Variants in LSS observed in about 807,000 individuals in gnomAD.
LSS encodes 2,3-epoxysqualene-lanosterol cyclase.
LSS carries 90 observed loss-of-function variants against 110.3 expected under a neutral mutation model. The ratio of observed to expected loss-of-function variants is 0.82; its 90% CI spans 0.69 to 0.97. The LOEUF is 0.97. Among genes scored for constraint, LSS ranks in the 50% least tolerant of loss-of-function variants. The pLI is 0.00. For synonymous variants in LSS, 433 were observed against 400.0 expected, an observed-to-expected ratio of 1.08 and a Z score of -0.98; for missense variants, 927 against 990.0, an observed-to-expected ratio of 0.94 and a Z score of 0.85.
intron 16 of LSS, 80 bp from the exon 17 acceptor site, chr21:46,206,021 A>G: frequency 8.9e-7 from 1 of 1,120,774 alleles, no homozygotes; most frequent in Non-Finnish European, 1.3e-6. Context: ...AGCCACAACA[A>G]GCAAGAGTGT....
intron 4 of LSS, 188 bp from the exon 5 acceptor site, chr21:46,222,163 A>C: frequency 1.6e-6 from 1 of 616,808 alleles, no homozygotes; most frequent in East Asian, 2.8e-5. Flanking sequence ...TCCCATGACA[A>C]CTGAGCCCCC....
intron 17 of LSS, among the ~76,000 whole-genome samples, chr21:46,200,319 T>C (rs941294170): frequency 1.3e-5 from 2 of 152,166 alleles, no homozygotes; most frequent in Non-Finnish European, 2.9e-5. Context: ...CATCATCAAA[T>C]GCTAACACTA....
chr21:46,192,006 A>G (rs1346143247), intron 20 of LSS, 47 bp from the exon 21 acceptor site: 1 of 1,347,352 alleles, frequency 7.4e-7, no homozygotes, highest in Non-Finnish European at 1.1e-6. Context: ...ATGCCCCCAC[A>G]GCATCATCCT....
intron 5 of LSS, among the ~76,000 whole-genome samples, chr21:46,221,138 G>A (rs1294307025): frequency 7.3e-6 from 1 of 137,276 alleles, no homozygotes; most frequent in East Asian, 2.3e-4. Flanking sequence ...GGCTTGGAGA[G>A]GTGGACAGCC....
In LSS at chr21:46,191,811, G is replaced by A. The variant is rs980956889; in HGVS notation, c.2067+70C>T. Reference sequence around the variant, plus strand: ...CCCCAAAAAGGACACAGAGCAGGGGGACGTGGAAACAGCCATGCACGCTGG... The same window carrying A: ...CCCCAAAAAGGACACAGAGCAGGGGAACGTGGAAACAGCCATGCACGCTGG... On this transcript the variant is annotated intron_variant, in intron 21 of 21. Coordinates refer to ENST00000397728, the MANE Select transcript of LSS (RefSeq NM_002340.6). The A allele has an allele frequency of 2.5e-5, 32 of 1,290,584 alleles. No individual in the cohort carries two copies. The Middle Eastern group carries it at 5.9e-4, about 24-fold the overall frequency. 79.9% of individuals were successfully genotyped at this position (1,290,584 alleles called of 1,614,324 possible).
chr21:46,202,496 A>G (rs2079992497), intron 17 of LSS, among the ~76,000 whole-genome samples: 1 of 152,184 alleles, frequency 6.6e-6, no homozygotes, highest in Non-Finnish European at 1.5e-5. Context: ...CCCTAAAGAG[A>G]TAAAAAGAAC....
chr21:46,212,776 G>A (rs751669433), intron 11 of LSS, among the ~76,000 whole-genome samples: 18 of 152,224 alleles, frequency 1.2e-4, no homozygotes, highest in Non-Finnish European at 2.5e-4. Flanking sequence ...ACACAGCTGA[G>A]CCCACTCAGA....
chr21:46,202,179 G>C (rs1762869402), intron 17 of LSS, among the ~76,000 whole-genome samples: 1 of 142,024 alleles, frequency 7.0e-6, no homozygotes, highest in African/African-American at 2.5e-5. Flanking sequence ...CGGATCACGA[G>C]GTCAGGAGAT....
chr21:46,213,046 G>A lies in LSS; in HGVS notation c.1116C>T (p.Gly372=), dbSNP rs746257049. The part of the protein sequence containing the change: ...VSRIPDYLWM[G]LDGMKMQGTN... ...TTACCTGCATTTTCATGCCGTCAAG[G>A]CCCATCCTGTGAGGAGAAAAAAGCC... Residue 372 remains glycine (G), a synonymous_variant, in exon 11 of 22, where the codon GGC becomes GGT. Coordinates refer to ENST00000397728, the MANE Select transcript of LSS (RefSeq NM_002340.6). The A allele has an allele frequency of 1.1e-5, 18 of 1,613,688 alleles. No individual in the cohort carries two copies. The highest frequency in any genetic ancestry group is 1.3e-5 in the African/African-American group (1 of 74,918).
chr21:46,208,096 G>T (rs1393783778), intron 14 of LSS, among the ~76,000 whole-genome samples, 155 bp downstream of exon 14: 1 of 152,216 alleles, frequency 6.6e-6, no homozygotes, highest in Non-Finnish European at 1.5e-5. Flanking sequence ...TGAAGCATGA[G>T]CCCCTAGGCC....
intron 8 of LSS, 138 bp from the exon 9 acceptor site, chr21:46,215,436 C>A: frequency 2.0e-6 from 1 of 512,322 alleles, no homozygotes. Context: ...TCTCTGAGCT[C>A]CTCCTTCCCT....
Position 46,206,712 on chromosome 21 carries a change from C to T in LSS, c.1524G>A (p.Gly508=). 6.2e-7 allele frequency: 1 copy of T among 1,613,124 alleles called. No homozygotes were observed. The change falls in exon 16 of 22, where the codon GGG becomes GGA. Residue 508 remains glycine (G), a synonymous_variant. Transcript: ENST00000397728. The part of the protein sequence containing the change: ...GGFATYETKR[G]GHLLELLNPS... ...GGTTCAGCAGCTCCAGCAAGTGCCCCCCACGCTTGGTCTCATAGGTGGCGA... is the reference window on the plus strand; with the variant it reads ...GGTTCAGCAGCTCCAGCAAGTGCCCTCCACGCTTGGTCTCATAGGTGGCGA...
At chr21:46,223,920 G>A (rs1032600895) in intron 3 of LSS, among the ~76,000 whole-genome samples, 6 of 152,266 alleles carry the variant, frequency 3.9e-5, no homozygotes, top group Non-Finnish European at 7.4e-5. Context: ...TTAGCAGACC[G>A]GGAAAGGGAG....
rs375282776 is a variant in LSS, at chr21:46,209,067, G to A, written c.1266+487C>T. Reference sequence around the variant, plus strand: ...TGGCTGCAGACTGGGGTGCAGGCACGTGTGAGAGACACTGAGGTCAAACTA... The same window carrying A: ...TGGCTGCAGACTGGGGTGCAGGCACATGTGAGAGACACTGAGGTCAAACTA... On this transcript the variant is annotated intron_variant, in intron 13 of 21. Coordinates refer to ENST00000397728, the MANE Select transcript of LSS (RefSeq NM_002340.6). The surrounding 1 kb of genome is among the most constrained non-coding windows in gnomAD (Gnocchi z 4.4). Among the ~76,000 whole-genome samples, 18 of 152,188 alleles carry A rather than the reference G, an allele frequency of 1.2e-4. No homozygotes were observed. Among genetic ancestry groups the A allele is most frequent in the South Asian group, 2.1e-4 (1 of 4,832 alleles).
intron 5 of LSS, 149 bp from the exon 6 acceptor site, chr21:46,219,721 G>A: frequency 2.0e-6 from 1 of 506,130 alleles, no homozygotes; most frequent in Non-Finnish European, 3.5e-6. Flanking sequence ...CGACCCCCAT[G>A]TGCGAAGCAG....
At chr21:46,208,129 C>T (rs1307797514) in intron 14 of LSS, 122 bp downstream of exon 14, 10 of 876,026 alleles carry the variant, frequency 1.1e-5, no homozygotes, top group African/African-American at 5.0e-5. Flanking sequence ...CAGCAGGACA[C>T]CCAAAAACGC....
intron 17 of LSS, among the ~76,000 whole-genome samples, chr21:46,198,261 G>A (rs1373878929): frequency 1.3e-4 from 14 of 105,188 alleles, no homozygotes; most frequent in Admixed American, 1.8e-4. Flanking sequence ...GTAAGACTGC[G>A]TCCCTTAAAA....
chr21:46,198,187 A>C (rs1445678585), intron 17 of LSS, among the ~76,000 whole-genome samples: 1 of 152,104 alleles, frequency 6.6e-6, no homozygotes, highest in African/African-American at 2.4e-5. Flanking sequence ...GGATTCCTTA[A>C]GCCCAGGAGT....
chr21:46,211,212 C>T (rs112336557), intron 11 of LSS, among the ~76,000 whole-genome samples: 55 of 152,250 alleles, frequency 3.6e-4, no homozygotes, highest in African/African-American at 9.9e-4. Flanking sequence ...CTGCAAGCTC[C>T]GCCTCCTGGG....
Sources: gnomAD v4.1 joint callset for allele counts (sites outside exome capture counted in the v4.1 genomes callset) on GRCh38, gnomAD v4.1.1 for gene constraint, Gnocchi (gnomAD v3.1) non-coding constraint, MANE v1.5 for transcripts, NCBI Gene and HGNC (gene_info 2026-07-23, HGNC 2026-07-21) for gene names.